SZT2: variants seen among roughly 807,000 people sequenced by gnomAD.
SZT2 encodes the protein SZT2 subunit of KICSTOR complex.
In SZT2, 216 loss-of-function variants were observed where a neutral mutation model predicts 404.2. The observed-to-expected ratio is 0.53, with a 90% CI of 0.48 to 0.60. The LOEUF (loss-of-function observed/expected upper bound fraction) is 0.60. Ranked by LOEUF, SZT2 falls within the 20% of genes least tolerant of loss-of-function variation. SZT2 has a pLI of 0.00. For synonymous variants in SZT2, 1,693 were observed against 1,749.9 expected (o/e 0.97, Z 0.81); for missense variants, 3,857 against 4,459.2 (o/e 0.86, Z 3.85).
At chr1:43,400,458 G>A (rs138279551) in intron 1 of SZT2, among the ~76,000 whole-genome samples, 1 of 152,140 alleles carries the variant, frequency 6.6e-6, no homozygotes, top group African/African-American at 2.4e-5. Flanking sequence ...AGCTCACCAG[G>A]CCTTGGTTTG....
intron 61 of SZT2, 30 bp from the exon 62 acceptor site, chr1:43,443,567 G>GA: frequency 6.2e-7 from 1 of 1,613,838 alleles, no homozygotes; most frequent in South Asian, 1.1e-5. Context: ...TGACAGTGGG[G>GA]AGAGTCTTCC....
chr1:43,428,767 A>G (rs1653497439), intron 28 of SZT2: 2 of 430,552 alleles, frequency 4.6e-6, no homozygotes, highest in East Asian at 8.5e-5. Context: ...GTGAACGTAG[A>G]GACTTGTTCT....
intron 15 of SZT2, 25 bp downstream of exon 15, chr1:43,423,341 GTGGC>G: frequency 6.6e-7 from 1 of 1,514,344 alleles, no homozygotes; most frequent in South Asian, 1.3e-5. Context: ...GTGGAAGGGC[GTGGC>G]TTAGCAGGGT....
intron 1 of SZT2, chr1:43,394,103 T>TGA: frequency 1.0e-6 from 1 of 984,566 alleles, no homozygotes; most frequent in Non-Finnish European, 1.2e-6. Context: ...AAGCTCCATG[T>TGA]GAGTGTGGAT....
rs371683327 is a variant in SZT2, at chr1:43,445,938, G to A, written c.8870G>A (p.Arg2957Gln). ...ATGGCTATCCTTGGAACAGAGGGTCGAGGCTCCTTCTCCTGCCCTAAAACC... is the reference window on the plus strand; with the variant it reads ...ATGGCTATCCTTGGAACAGAGGGTCAAGGCTCCTTCTCCTGCCCTAAAACC... ...RAMAILGTEG[R>Q]GSFSCPKTKT... is the part of the protein sequence containing the mutation. The change falls in exon 63 of 72, where the codon CGA (arginine) becomes CAA (glutamine). Residue 2957 changes from arginine (R) to glutamine (Q), a missense_variant. Arg to Gln is a conservative substitution (Grantham distance 43). Transcript: ENST00000634258. The A allele has an allele frequency of 4.3e-6, 7 of 1,614,192 alleles. No individual in the cohort carries two copies. The highest frequency in any genetic ancestry group is 3.3e-5 in the South Asian group (3 of 91,080).
rs772224442 is a variant in SZT2, at chr1:43,427,532, A to G, written c.3601A>G (p.Asn1201Asp). ...CACGTGACACCTTTTCTTCACAGACAATGCCCAGAATCAAGGAGAGCTAAG... is the reference window on the plus strand; with the variant it reads ...CACGTGACACCTTTTCTTCACAGACGATGCCCAGAATCAAGGAGAGCTAAG... ...PVLSVTLASDNAQNQGELSPP... is the reference protein window; with the variant it reads ...PVLSVTLASDDAQNQGELSPP... The change falls in exon 26 of 72, where the codon AAT (asparagine) becomes GAT (aspartate). Residue 1201 changes from asparagine (N) to aspartate (D), a missense_variant and splice_region_variant. By Grantham distance (23) the Asn-to-Asp change is conservative. Coordinates refer to ENST00000634258, the MANE Select transcript of SZT2 (RefSeq NM_001365999.1). The G allele has an allele frequency of 5.6e-6, 9 of 1,614,110 alleles. No individual in the cohort carries two copies. The highest frequency in any genetic ancestry group is 1.3e-5 in the African/African-American group (1 of 74,946).
Position 43,416,053 on chromosome 1 carries a change from C to T in SZT2, c.724C>T (p.Arg242Cys), listed in dbSNP as rs777944624. ...TADLGLVSMI[R>C]QGILALQLLP... The stretch of plus-strand genomic sequence containing the variant: ...TGATCTTGGGCTGGTCAGTATGATT[C>T]GTCAGGGCATCTTGGCACTGCAGTT... The change falls in exon 6 of 72, where the codon CGT becomes TGT. Residue 242 changes from arginine (R) to cysteine (C), a missense_variant. Physicochemically the swap from Arg to Cys is radical, Grantham distance 180. Around this residue, in one of 7 missense-constraint regions of SZT2, gnomAD observed 536 missense variants for 637.4 expected, o/e 0.84. Transcript: ENST00000634258. 1.3e-6 allele frequency: 2 copies of T among 1,598,376 alleles called. No homozygotes were observed. The highest frequency in any genetic ancestry group is 1.7e-6 in the Non-Finnish European group (2 of 1,179,800).
rs756894574 is a variant in SZT2 at position 43,433,178 on chromosome 1, A to G, written c.5792A>G (p.Tyr1931Cys). Residue 1931 changes from tyrosine to cysteine, a missense_variant, in exon 40 of 72, where the codon TAT becomes TGT. Physicochemically the swap from Tyr to Cys is radical, Grantham distance 194. This residue lies in a region of SZT2 where 1,725 missense variants were observed against 1,881.0 expected (regional missense o/e 0.92). Coordinates refer to ENST00000634258, the MANE Select transcript of SZT2 (RefSeq NM_001365999.1). ...VRVLQDRVEVYAHARSLIRED... is the reference protein window; with the variant it reads ...VRVLQDRVEVCAHARSLIRED... ...GTCCTGCAGGACCGTGTGGAAGTGTATGCACATGCACGGTAAGTAGAAGCC... is the reference window on the plus strand; with the variant it reads ...GTCCTGCAGGACCGTGTGGAAGTGTGTGCACATGCACGGTAAGTAGAAGCC... The G allele has an allele frequency of 6.8e-6, 11 of 1,613,576 alleles. No individual in the cohort carries two copies. The South Asian group carries it at 8.8e-5, about 13-fold the overall frequency.
Position 43,437,733 on chromosome 1 carries a change from T to C in SZT2, c.6396+33T>C. The C allele has an allele frequency of 6.2e-7, 1 of 1,614,108 alleles. No homozygotes were observed. The highest frequency in any genetic ancestry group is 8.5e-7 in the Non-Finnish European group (1 of 1,179,982). The stretch of plus-strand genomic sequence containing the variant: ...TCACTCCCACTCTCTGATGCCCCTG[T>C]GTTCCTCTTGCACTTTGCTCTCTGG... On this transcript the variant is annotated intron_variant, in intron 45 of 71. Coordinates refer to ENST00000634258, the MANE Select transcript of SZT2 (RefSeq NM_001365999.1). The surrounding 1 kb of genome is among the most constrained non-coding windows in gnomAD (Gnocchi z 5.3).
Position 43,420,017 on chromosome 1 carries a change from G to T in SZT2, c.1090+73G>T. The T allele has an allele frequency of 6.3e-7, 1 of 1,576,118 alleles. No homozygotes were observed. The highest frequency in any genetic ancestry group is 8.6e-7 in the Non-Finnish European group (1 of 1,163,426). On this transcript the variant is annotated intron_variant, in intron 8 of 71. Transcript: ENST00000634258. The surrounding 1 kb of genome is among the most constrained non-coding windows in gnomAD (Gnocchi z 5.1). ...GGCCCAGAGATGATGGGGCCCTGGA[G>T]GACTGAAAGTGTAACTGGGGCTGGC... is the stretch of plus-strand genomic sequence containing the variant.
At chr1:43,446,050 A>G (rs1261852026) in intron 63 of SZT2, 66 bp downstream of exon 63, 1 of 1,593,886 alleles carries the variant, frequency 6.3e-7, no homozygotes, top group Non-Finnish European at 8.6e-7. Context: ...GAGGTCATTG[A>G]CCCTGAGTGA....
rs1468497895 is a variant in SZT2, at chr1:43,432,561, T to C, written c.5487T>C (p.Ser1829=). Residue 1829 remains serine (S), a synonymous_variant, in exon 38 of 72, where the codon TCT becomes TCC. Coordinates refer to ENST00000634258, the MANE Select transcript of SZT2 (RefSeq NM_001365999.1). ...SPQAPGSPED[S]EGVPLISLPR... ...AAGCACCTGGGTCCCCAGAGGATTC[T>C]GAGGGTGTCCCCCTCATCAGCCTGC... The C allele has an allele frequency of 6.2e-7, 1 of 1,613,720 alleles. No individual in the cohort carries two copies. Among genetic ancestry groups the C allele is most frequent in the South Asian group, 1.1e-5 (1 of 91,010 alleles).
rs1653840019 is a variant in SZT2 at position 43,431,301 on chromosome 1, CCCAGGGCAG to C, written c.4957_4965del (p.Gly1653_Pro1655del). 2.5e-6 allele frequency: 4 copies of C among 1,612,890 alleles called. No individual in the cohort carries two copies. The highest frequency in any genetic ancestry group is 1.3e-5 in the African/African-American group (1 of 74,874). On this transcript the variant is annotated inframe_deletion, in exon 34 of 72. Coordinates refer to ENST00000634258, the MANE Select transcript of SZT2 (RefSeq NM_001365999.1). ...AAAGCAGTGCTTCATTTCCACGATC[CCCAGGGCAG>C]CCATCATCTTTAAGGTCAGATGATG...
At position 43,430,099 on chromosome 1, in the gene SZT2, G is replaced by A. The variant is rs751066459; in HGVS notation, c.4397G>A (p.Arg1466Gln). Reference protein sequence around the residue: ...YFFYCPPSSRREDEGPRDTVD... With the variant: ...YFFYCPPSSRQEDEGPRDTVD... ...TTCTATTGCCCTCCATCCAGCAGGC[G>A]AGAAGTGAGTGGCTCTCTTCCTTAC... Residue 1466 changes from arginine to glutamine, a missense_variant, in exon 30 of 72, where the codon CGA (arginine) becomes CAA (glutamine). This residue lies in a region of SZT2 where 1,725 missense variants were observed against 1,881.0 expected (regional missense o/e 0.92). Coordinates refer to ENST00000634258, the MANE Select transcript of SZT2 (RefSeq NM_001365999.1). 1.9e-6 allele frequency: 3 copies of A among 1,613,966 alleles called. No individual in the cohort carries two copies. Among genetic ancestry groups the A allele is most frequent in the Non-Finnish European group, 2.5e-6 (3 of 1,180,024 alleles).
Position 43,447,545 on chromosome 1 carries a change from G to C in SZT2, c.9287G>C (p.Gly3096Ala), listed in dbSNP as rs763255744. The change falls in exon 67 of 72, where the codon GGG (glycine) becomes GCG (alanine). Residue 3096 changes from glycine (G) to alanine (A), a missense_variant and splice_region_variant. By Grantham distance (60) the Gly-to-Ala change is moderately conservative. Transcript: ENST00000634258. ...PHFGRNHIYQGTLELPTPLIA... is the reference protein window; with the variant it reads ...PHFGRNHIYQATLELPTPLIA... ...CTGTCTCCTGTTACTTATCCCTCAG[G>C]GACATTGGAGCTCCCCACACCACTC... 5.6e-6 allele frequency: 9 copies of C among 1,613,556 alleles called. No homozygotes were observed. In the Admixed American group the frequency reaches 1.0e-4, roughly 18 times the overall value.
At position 43,453,770 on chromosome 1, in the gene SZT2, G is replaced by A. The variant is rs574781939; in HGVS notation, c.*3290G>A. The A allele has an allele frequency of 3.9e-6, 5 of 1,296,150 alleles. No homozygotes were observed. The African/African-American group carries it at 4.6e-5, about 12-fold the overall frequency. 80.3% of individuals were successfully genotyped at this position (1,296,150 alleles called of 1,614,324 possible). ...GCTCGGGGAATAGCCAGGACAGATT[G>A]GCGGAGAAGCGCAGCGGCGCCATGC... On this transcript the variant is annotated 3_prime_UTR_variant, in exon 72 of 72. Coordinates refer to ENST00000634258, the MANE Select transcript of SZT2 (RefSeq NM_001365999.1).
In SZT2 at chr1:43,427,580, C is replaced by T; in HGVS notation, c.3649C>T (p.Gln1217Ter). 1 of 1,614,258 alleles carries T rather than the reference C, an allele frequency of 6.2e-7. No individual in the cohort carries two copies. The highest frequency in any genetic ancestry group is 8.5e-7 in the Non-Finnish European group (1 of 1,180,042). The change falls in exon 26 of 72, where the codon CAG (glutamine) becomes TAG (stop). Residue 1217 changes from glutamine to a stop codon, truncating the protein, a stop_gained. Coordinates refer to ENST00000634258, the MANE Select transcript of SZT2 (RefSeq NM_001365999.1). LOFTEE classifies it high-confidence loss of function. ...AAGTCCACCATTCCGTCGAGACTTA[C>T]AGGCTTACGCTGGGCGTCAGGCTTC... is the stretch of plus-strand genomic sequence containing the variant. ...ELSPPFRRDLQAYAGRQASQT... is the reference protein window; with the variant it reads ...ELSPPFRRDL
In SZT2 at chr1:43,448,528, G is replaced by A. The variant is rs1434763299; in HGVS notation, c.9969+44G>A. On this transcript the variant is annotated intron_variant, in intron 69 of 71. Coordinates refer to ENST00000634258, the MANE Select transcript of SZT2 (RefSeq NM_001365999.1). This position sits in a 1 kb window ranked among gnomAD's most constrained non-coding sequence, Gnocchi z 4.2. Reference sequence around the variant, plus strand: ...CCGAAAGAGCTGGGATAGGTGCCAGGAATTCCACTGGCAGCCAGGGCAGAG... The same window carrying A: ...CCGAAAGAGCTGGGATAGGTGCCAGAAATTCCACTGGCAGCCAGGGCAGAG... The A allele has an allele frequency of 3.1e-6, 5 of 1,610,666 alleles. No homozygotes were observed. The South Asian group carries it at 3.3e-5, about 11-fold the overall frequency.
At position 43,427,744 on chromosome 1, in the gene SZT2, T is replaced by A. The variant is rs1350718135; in HGVS notation, c.3803+10T>A. On this transcript the variant is annotated intron_variant, in intron 26 of 71. Coordinates refer to ENST00000634258, the MANE Select transcript of SZT2 (RefSeq NM_001365999.1). ...GAGACCTCATCTTCCGGTGAGTGCCTTCAGTGTTGACCTAAGTCCTCGCCG... is the reference window on the plus strand; with the variant it reads ...GAGACCTCATCTTCCGGTGAGTGCCATCAGTGTTGACCTAAGTCCTCGCCG... 6.2e-7 allele frequency: 1 copy of A among 1,612,044 alleles called. No individual in the cohort carries two copies. The highest frequency in any genetic ancestry group is 8.5e-7 in the Non-Finnish European group (1 of 1,179,662).
Sources: gnomAD v4.1 joint callset for allele counts (sites outside exome capture counted in the v4.1 genomes callset) on GRCh38, gnomAD v4.1.1 for gene constraint, gnomAD v4.1.1 regional missense constraint, Gnocchi (gnomAD v3.1) non-coding constraint, MANE v1.5 for transcripts, NCBI Gene and HGNC (gene_info 2026-07-23, HGNC 2026-07-21) for gene names.